CDH13: variants seen among roughly 807,000 people sequenced by gnomAD.
CDH13 encodes cadherin-13.
In CDH13, 24 loss-of-function variants were observed where a neutral mutation model predicts 63.8. The observed-to-expected ratio is 0.38, with a 90% CI of 0.27 to 0.53. The LOEUF (loss-of-function observed/expected upper bound fraction) is 0.53, where lower values mean the gene tolerates loss of function less well. Ranked by LOEUF, CDH13 falls within the 20% of genes least tolerant of loss-of-function variation. The pLI is 0.85. For synonymous variants in CDH13, 503 were observed against 355.3 expected (o/e 1.42, Z -4.67); for missense variants, 1,049 against 903.1 (o/e 1.16, Z -2.07).
At chr16:83,287,433 A>G (rs1390166679) in intron 5 of CDH13, among the ~76,000 whole-genome samples, 2 of 152,152 alleles carry the variant, frequency 1.3e-5, no homozygotes, top group Non-Finnish European at 2.9e-5. Flanking sequence ...GCCACTCCCC[A>G]TCGCTTGCAC....
intron 1 of CDH13, among the ~76,000 whole-genome samples, chr16:82,835,397 A>T (rs1430361765): frequency 1.1e-4 from 16 of 152,212 alleles, no homozygotes; most frequent in Admixed American, 9.8e-4. Flanking sequence ...CCTGGATTTA[A>T]ACTCCAAAGC....
chr16:83,507,340 G>A (rs1325392739), intron 7 of CDH13, among the ~76,000 whole-genome samples: 2 of 152,216 alleles, frequency 1.3e-5, no homozygotes, highest in Non-Finnish European at 2.9e-5. Flanking sequence ...TAGAGGCTCA[G>A]AAGATGGCTG....
intron 6 of CDH13, among the ~76,000 whole-genome samples, chr16:83,408,723 A>G (rs942106526): frequency 6.6e-6 from 1 of 152,202 alleles, no homozygotes; most frequent in African/African-American, 2.4e-5. Flanking sequence ...GTCATTTGAA[A>G]AGGGCCTTGC....
Position 83,748,187 on chromosome 16 carries a change from G to A in CDH13, c.1618G>A (p.Asp540Asn), listed in dbSNP as rs1344548957. Reference sequence around the variant, plus strand: ...GACTGTTGACACCACAGCTGTGCTGGACCGTGAGTCCCCATTTGTCGACAA... The same window carrying A: ...GACTGTTGACACCACAGCTGTGCTGAACCGTGAGTCCCCATTTGTCGACAA... ...NGTVDTTAVL[D>N]RESPFVDNSV... is the part of the protein sequence containing the mutation. The change falls in exon 11 of 14, where the codon GAC becomes AAC. Residue 540 changes from aspartate (D) to asparagine (N), a missense_variant. By Grantham distance (23) the Asp-to-Asn change is conservative. Transcript: ENST00000567109. 4 of 1,613,896 alleles carry A rather than the reference G, an allele frequency of 2.5e-6. No individual in the cohort carries two copies. The highest frequency in any genetic ancestry group is 1.7e-5 in the Admixed American group (1 of 60,014).
intron 3 of CDH13, among the ~76,000 whole-genome samples, chr16:83,049,317 A>T (rs768302845): frequency 7.4e-6 from 1 of 135,698 alleles, no homozygotes; most frequent in Non-Finnish European, 1.6e-5. Context: ...GGCATTTATG[A>T]CTGGCCTCTT....
At chr16:83,431,730 A>C (rs926833010) in intron 6 of CDH13, among the ~76,000 whole-genome samples, 1 of 152,184 alleles carries the variant, frequency 6.6e-6, no homozygotes, top group Non-Finnish European at 1.5e-5. Flanking sequence ...ACCAGGTCTC[A>C]TAAGAACTCA....
chr16:83,582,862 T>A (rs546081785), intron 7 of CDH13, among the ~76,000 whole-genome samples: 1 of 152,316 alleles, frequency 6.6e-6, no homozygotes, highest in South Asian at 2.1e-4. Flanking sequence ...AGAAGCATGG[T>A]CCATCCACTG....
chr16:83,697,289 C>G (rs1905533271), intron 10 of CDH13, among the ~76,000 whole-genome samples: 1 of 152,186 alleles, frequency 6.6e-6, no homozygotes, highest in Non-Finnish European at 1.5e-5. Context: ...TATTTCAGCT[C>G]TCATAGTACA....
At chr16:82,910,131 C>G (rs781354060) in intron 2 of CDH13, among the ~76,000 whole-genome samples, 2 of 152,200 alleles carry the variant, frequency 1.3e-5, no homozygotes, top group Non-Finnish European at 2.9e-5. Context: ...TCTGAGTCAT[C>G]TGTGTCCCTG....
intron 6 of CDH13, among the ~76,000 whole-genome samples, chr16:83,381,167 T>TG (rs2091559743): frequency 1.3e-5 from 2 of 152,168 alleles, no homozygotes; most frequent in African/African-American, 4.8e-5. Context: ...ATTTAATAGT[T>TG]GCTTGCTTTT....
intron 2 of CDH13, among the ~76,000 whole-genome samples, chr16:82,936,213 TC>T (rs2042663678): frequency 6.6e-6 from 1 of 152,196 alleles, no homozygotes; most frequent in African/African-American, 2.4e-5. Context: ...CTTGTCTATG[TC>T]TGCAGCTCAA....
intron 2 of CDH13, among the ~76,000 whole-genome samples, chr16:82,871,548 G>T (rs969191733): frequency 6.6e-6 from 1 of 152,192 alleles, no homozygotes; most frequent in Non-Finnish European, 1.5e-5. Flanking sequence ...TCTAATCCCA[G>T]CTCTAACTTT....
At chr16:83,061,726 A>C (rs181055333) in intron 3 of CDH13, among the ~76,000 whole-genome samples, 2 of 152,230 alleles carry the variant, frequency 1.3e-5, no homozygotes, top group Non-Finnish European at 2.9e-5. Context: ...AGTGATAAAT[A>C]TATGAAATGA....
intron 8 of CDH13, among the ~76,000 whole-genome samples, chr16:83,607,649 C>G (rs1380596987): frequency 1.3e-5 from 2 of 152,152 alleles, no homozygotes; most frequent in East Asian, 3.9e-4. Context: ...GCCGCTGATA[C>G]ATGAAATCAA....
chr16:83,472,725 C>A lies in CDH13; in HGVS notation c.782-13752C>A, dbSNP rs2073488478. ...AACACATGGGGAAGAGCATTTAAAA[C>A]CAAAAATGAAACAGATTATTCATAC... is the stretch of plus-strand genomic sequence containing the variant. On this transcript the variant is annotated intron_variant, in intron 6 of 13. Coordinates refer to ENST00000567109, the MANE Select transcript of CDH13 (RefSeq NM_001257.5). Among the ~76,000 whole-genome samples the A allele has an allele frequency of 2.0e-5, 3 of 152,146 alleles. No homozygotes were observed. In the South Asian group the frequency reaches 6.2e-4, roughly 31 times the overall value.
At chr16:83,470,383 C>T (rs1480946998) in intron 6 of CDH13, among the ~76,000 whole-genome samples, 1 of 152,162 alleles carries the variant, frequency 6.6e-6, no homozygotes, top group Non-Finnish European at 1.5e-5. Flanking sequence ...GCTCATGGCA[C>T]CATCCCTTTG....
intron 5 of CDH13, among the ~76,000 whole-genome samples, chr16:83,276,687 G>A (rs1228507230): frequency 7.2e-5 from 11 of 151,944 alleles, no homozygotes; most frequent in African/African-American, 1.2e-4. Context: ...TGGCTAACAC[G>A]GTGAAACCCT....
At chr16:82,707,209 C>G (rs375169522) in intron 1 of CDH13, among the ~76,000 whole-genome samples, 3 of 152,330 alleles carry the variant, frequency 2.0e-5, no homozygotes, top group South Asian at 4.1e-4. Flanking sequence ...ATGCTTGATT[C>G]TTTTCTCCAT....
chr16:82,789,495 C>T (rs1451012013), intron 1 of CDH13, among the ~76,000 whole-genome samples: 2 of 152,112 alleles, frequency 1.3e-5, no homozygotes, highest in Non-Finnish European at 2.9e-5. Context: ...AACGACACTT[C>T]GCCATTCAGG....
Sources: allele counts gnomAD v4.1 joint callset (sites outside exome capture counted in the v4.1 genomes callset), GRCh38; gene constraint gnomAD v4.1.1; transcripts MANE v1.5; gene names NCBI Gene and HGNC (gene_info 2026-07-23, HGNC 2026-07-21).